Variants in ZNF462 observed in about 807,000 individuals in gnomAD.
ZNF462 encodes the protein zinc finger protein 462.
Under a neutral mutation model 201.9 loss-of-function variants are expected in ZNF462, and 10 were observed. The observed-to-expected ratio is 0.05, with a 90% CI of 0.03 to 0.08. ZNF462 has a LOEUF of 0.08. ZNF462 is among the 10% of genes least tolerant of loss of function. The probability of loss-of-function intolerance (pLI) is 1.00; values close to 1 mark genes in which losing one functional copy is unlikely to be tolerated. For synonymous variants in ZNF462, 1,227 were observed against 1,193.3 expected (o/e 1.03, Z -0.58); for missense variants, 2,523 against 3,168.3 (o/e 0.80, Z 4.89).
chr9:106,944,733 A>C (rs1446337307), intron 7 of ZNF462, among the ~76,000 whole-genome samples: 2 of 152,160 alleles, frequency 1.3e-5, no homozygotes, highest in Non-Finnish European at 2.9e-5. Flanking sequence ...AGTCTCTAGT[A>C]ATCACTATTC....
At chr9:106,964,638 T>C (rs775068322) in intron 7 of ZNF462, among the ~76,000 whole-genome samples, 2 of 152,100 alleles carry the variant, frequency 1.3e-5, no homozygotes, top group Non-Finnish European at 2.9e-5. Context: ...TCTCAATCTT[T>C]TATAGTTGGT....
Sources: allele counts gnomAD v4.1 joint callset (sites outside exome capture counted in the v4.1 genomes callset), GRCh38; gene constraint gnomAD v4.1.1; transcripts MANE v1.5; gene names NCBI Gene and HGNC (gene_info 2026-07-23, HGNC 2026-07-21).